Variants in COL18A1 observed in about 807,000 individuals in gnomAD.
COL18A1 encodes collagen type XVIII alpha 1 chain.
COL18A1 carries 133 observed loss-of-function variants against 168.0 expected under a neutral mutation model. The observed-to-expected ratio is 0.79, with a 90% CI of 0.69 to 0.91. The LOEUF is 0.91. Among genes scored for constraint, COL18A1 ranks in the 40% least tolerant of loss-of-function variants. The probability of loss-of-function intolerance (pLI) is 0.00; values close to 1 mark genes in which losing one functional copy is unlikely to be tolerated. For missense variants in COL18A1, 2,126 were observed against 1,925.4 expected (o/e 1.10, Z -1.95); for synonymous variants, 949 against 809.0 (o/e 1.17, Z -2.94).
At chr21:45,476,630 T>G in intron 6 of COL18A1, 150 bp downstream of exon 6, 1 of 1,006,982 alleles carries the variant, frequency 9.9e-7, no homozygotes. Context: ...TGGCACGTGT[T>G]TGTGTGAAAT....
rs1052946598 is a variant in COL18A1, at chr21:45,471,542, G to A, written c.652-2353G>A. ...CCACAGATGGTGCCTGGGACCCCCG[G>A]CCGCAGCTGGGTCCAACAGAGCCCT... On this transcript the variant is annotated intron_variant, in intron 3 of 41. Coordinates refer to ENST00000651438, the MANE Select transcript of COL18A1 (RefSeq NM_001379500.1). This position sits in a 1 kb window ranked among gnomAD's most constrained non-coding sequence, Gnocchi z 4.4. 6.6e-6 allele frequency among the ~76,000 whole-genome samples: 1 copy of A among 152,180 alleles called. No individual in the cohort carries two copies. The highest frequency in any genetic ancestry group is 2.4e-5 in the African/African-American group (1 of 41,432).
rs374912565 is a variant in COL18A1, at chr21:45,512,178, C to T, written c.3810-10C>T. The T allele has an allele frequency of 1.6e-4, 257 of 1,609,594 alleles. No individual in the cohort carries two copies. Among genetic ancestry groups the T allele is most frequent in the African/African-American group, 1.6e-3 (119 of 74,930 alleles). ...TCTGGGTTTGACTGACGGCCCGGCG[C>T]GTCTTACAGGCCCCAGAAGAGCGTG... On this transcript the variant is annotated splice_polypyrimidine_tract_variant and intron_variant, in intron 41 of 41. Transcript: ENST00000651438.
chr21:45,434,806 C>T (rs892092564), intron 2 of COL18A1, among the ~76,000 whole-genome samples: 23 of 152,214 alleles, frequency 1.5e-4, no homozygotes, highest in African/African-American at 5.5e-4. Flanking sequence ...CAGAGCCGGG[C>T]TTCCCGGAAA....
At chr21:45,491,142 AC>A in intron 21 of COL18A1, 82 bp from the exon 22 acceptor site, 2 of 1,253,988 alleles carry the variant, frequency 1.6e-6, no homozygotes, top group African/African-American at 1.5e-5. Flanking sequence ...GGCTCTGGGC[AC>A]CCCCTCCAGG....
chr21:45,447,699 C>T (rs1045725194), intron 2 of COL18A1, among the ~76,000 whole-genome samples: 1 of 152,140 alleles, frequency 6.6e-6, no homozygotes, highest in Non-Finnish European at 1.5e-5. Flanking sequence ...TGGAGAAGAA[C>T]AAAATCGGGG....
At chr21:45,460,565 T>C (rs1043858229) in intron 2 of COL18A1, among the ~76,000 whole-genome samples, 5 of 152,214 alleles carry the variant, frequency 3.3e-5, no homozygotes, top group Non-Finnish European at 7.3e-5. Flanking sequence ...CCCTACCCCA[T>C]GGGCCAGCCA....
chr21:45,504,132 C>T (rs2037037300), intron 33 of COL18A1, 78 bp downstream of exon 33: 19 of 1,502,338 alleles, frequency 1.3e-5, no homozygotes, highest in Non-Finnish European at 1.7e-5. Context: ...AATTTCTCGC[C>T]CCATCCGGCC....
At chr21:45,424,795 G>A (rs748941177) in intron 2 of COL18A1, 1 of 152,316 alleles carries the variant, frequency 6.6e-6, no homozygotes, top group Non-Finnish European at 1.5e-5. Context: ...GGGGACCCTG[G>A]GAGGCCCGTG....
At chr21:45,484,257 G>GCA (rs377063758) in intron 15 of COL18A1, among the ~76,000 whole-genome samples, 3 of 139,930 alleles carry the variant, frequency 2.1e-5, no homozygotes, top group African/African-American at 8.4e-5. Flanking sequence ...CAGCATATGT[G>GCA]CACACACACA....
chr21:45,441,161 C>T (rs73909526), intron 2 of COL18A1, among the ~76,000 whole-genome samples: 7,340 of 152,280 alleles, frequency 0.048, 260 homozygotes, highest in African/African-American at 0.094. Flanking sequence ...GCTGCCCAGA[C>T]CTGGGGTCTT....
chr21:45,428,545 G>C (rs536044215), intron 2 of COL18A1, among the ~76,000 whole-genome samples: 1 of 152,236 alleles, frequency 6.6e-6, no homozygotes, highest in Non-Finnish European at 1.5e-5. Flanking sequence ...AGTACAGCCA[G>C]AAGGCTGTGC....
intron 6 of COL18A1, among the ~76,000 whole-genome samples, chr21:45,476,898 G>A (rs555884545): frequency 5.4e-4 from 80 of 148,702 alleles, no homozygotes; most frequent in African/African-American, 1.9e-3. Flanking sequence ...TAATGTACAT[G>A]TGTGTGATGT....
rs1201520533 is a variant in COL18A1 at position 45,456,730 on chromosome 21, C to G, written c.107-11512C>G. The G allele has an allele frequency of 2.6e-6, 4 of 1,533,980 alleles. No homozygotes were observed. In the South Asian group the frequency reaches 3.6e-5, roughly 14 times the overall value. ...TGCTGGTCCCCCCATGCGGCAGCGT[C>G]CCGCCGCCCGCCCCGCCACCCTGCT... On this transcript the variant is annotated intron_variant, in intron 2 of 41. Coordinates refer to ENST00000651438, the MANE Select transcript of COL18A1 (RefSeq NM_001379500.1).
intron 25 of COL18A1, 30 bp downstream of exon 25, chr21:45,493,255 CCCTTTGTG>C (rs1347365543): frequency 2.4e-5 from 37 of 1,550,052 alleles, no homozygotes; most frequent in Non-Finnish European, 3.1e-5. Flanking sequence ...TCCCTCAACC[CCCTTTGTG>C]ACCCAGGGGT....
At chr21:45,483,257 A>G (rs916547718) in intron 15 of COL18A1, among the ~76,000 whole-genome samples, 4 of 151,926 alleles carry the variant, frequency 2.6e-5, no homozygotes, top group Non-Finnish European at 5.9e-5. Flanking sequence ...GGGGAGCCCC[A>G]TCCACCCGTC....
chr21:45,443,436 C>T lies in COL18A1; in HGVS notation c.107-24806C>T, dbSNP rs908123835. Among the ~76,000 whole-genome samples, 7 of 152,148 alleles carry T rather than the reference C, an allele frequency of 4.6e-5. No individual in the cohort carries two copies. The highest frequency in any genetic ancestry group is 8.8e-5 in the Non-Finnish European group (6 of 68,002). The stretch of plus-strand genomic sequence containing the variant: ...GCCGCCCGTGCCTTTCCTCCTTGGC[C>T]CTCACAGCCCAGCTCGGCATCGCAG... On this transcript the variant is annotated intron_variant, in intron 2 of 41. Coordinates refer to ENST00000651438, the MANE Select transcript of COL18A1 (RefSeq NM_001379500.1). This position sits in a 1 kb window ranked among gnomAD's most constrained non-coding sequence, Gnocchi z 5.2.
intron 19 of COL18A1, among the ~76,000 whole-genome samples, chr21:45,489,867 TCCCCCACACCTCCTCCCCGACTTCCC>T: frequency 6.9e-5 from 1 of 14,564 alleles, no homozygotes; most frequent in East Asian, 2.3e-3. Flanking sequence ...CACTTGCCCC[TCCCCCACACCTCCTCCCCGACTTCCC>T]CCTCCCCCAC....
At chr21:45,491,917 G>A (rs1034097153) in intron 22 of COL18A1, among the ~76,000 whole-genome samples, 13 of 146,480 alleles carry the variant, frequency 8.9e-5, no homozygotes, top group Non-Finnish European at 1.8e-4. Flanking sequence ...GCTGGGTGTG[G>A]CCAGGGGTTC....
chr21:45,509,894 G>C (rs1212123714), intron 39 of COL18A1, among the ~76,000 whole-genome samples, 170 bp from the exon 40 acceptor site: 1 of 152,188 alleles, frequency 6.6e-6, no homozygotes, highest in East Asian at 1.9e-4. Context: ...TGACCTGGCA[G>C]CGTATGGGGG....
Sources: allele counts gnomAD v4.1 joint callset (sites outside exome capture counted in the v4.1 genomes callset), GRCh38; gene constraint gnomAD v4.1.1; non-coding constraint Gnocchi (gnomAD v3.1); transcripts MANE v1.5; gene names NCBI Gene and HGNC (gene_info 2026-07-23, HGNC 2026-07-21).